Variants in RBM33 observed in about 807,000 individuals in gnomAD.
RBM33 encodes the protein RNA-binding protein 33.
A neutral mutation model predicts 132.6 loss-of-function variants in RBM33; 28 were observed. The ratio of observed to expected loss-of-function variants is 0.21; its 90% CI spans 0.16 to 0.29. The LOEUF (loss-of-function observed/expected upper bound fraction) is 0.29, where lower values mean the gene tolerates loss of function less well. Ranked by LOEUF, RBM33 falls within the 10% of genes least tolerant of loss-of-function variation. RBM33 has a pLI of 1.00. For synonymous variants in RBM33, 634 were observed against 593.0 expected (o/e 1.07, Z -1.01); for missense variants, 1,291 against 1,518.5 (o/e 0.85, Z 2.49).
intron 14 of RBM33, among the ~76,000 whole-genome samples, 166 bp from the exon 15 acceptor site, chr7:155,763,646 G>C (rs575855362): frequency 6.6e-6 from 1 of 152,300 alleles, no homozygotes; most frequent in South Asian, 2.1e-4. Flanking sequence ...TCTCCAATGA[G>C]AAATGTCCTT....
At chr7:155,750,731 GTT>G (rs34083810) in intron 14 of RBM33, among the ~76,000 whole-genome samples, 8 of 141,072 alleles carry the variant, frequency 5.7e-5, no homozygotes, top group Admixed American at 7.1e-5. Flanking sequence ...AAAGAAAATG[GTT>G]TTTTTTTTTT....
intron 4 of RBM33, 104 bp from the exon 5 acceptor site, chr7:155,680,486 T>A: frequency 1.2e-6 from 1 of 841,730 alleles, no homozygotes; most frequent in Non-Finnish European, 1.8e-6. Context: ...AATAACTTTT[T>A]ATCAGTCATG....
Position 155,780,727 on chromosome 7 carries a change from G to C in RBM33, c.*5686G>C, listed in dbSNP as rs916549632. The C allele has an allele frequency of 2.6e-5, 4 of 152,344 alleles. No individual in the cohort carries two copies. The highest frequency in any genetic ancestry group is 9.6e-5 in the African/African-American group (4 of 41,452). 9.4% of individuals were successfully genotyped at this position (152,344 alleles called of 1,614,324 possible). ...CCACTCTGCTCCGCCTCAGCCTTGA[G>C]AACTCCACGTGGGCTGGGTGGGAAG... is the stretch of plus-strand genomic sequence containing the variant. On this transcript the variant is annotated 3_prime_UTR_variant, in exon 18 of 18. Coordinates refer to ENST00000401878, the MANE Select transcript of RBM33 (RefSeq NM_053043.3).
intron 14 of RBM33, among the ~76,000 whole-genome samples, chr7:155,755,609 A>G (rs1465167989): frequency 6.6e-6 from 1 of 152,240 alleles, no homozygotes; most frequent in African/African-American, 2.4e-5. Flanking sequence ...GGTATAATCA[A>G]GAGTTGAGAT....
intron 14 of RBM33, among the ~76,000 whole-genome samples, chr7:155,751,147 T>C (rs915671840): frequency 6.6e-6 from 1 of 152,212 alleles, no homozygotes; most frequent in Admixed American, 6.5e-5. Context: ...AGGGAATGTT[T>C]TAATATAATT....
rs117615810 is a variant in RBM33 at position 155,723,363 on chromosome 7, C to T, written c.1260+4920C>T. On this transcript the variant is annotated intron_variant, in intron 9 of 17. Transcript: ENST00000401878. Reference sequence around the variant, plus strand: ...ATGGAAGGAATGATGGGCATTTTCTCTGATCAGATCTATAAGTAGTAGCAG... The same window carrying T: ...ATGGAAGGAATGATGGGCATTTTCTTTGATCAGATCTATAAGTAGTAGCAG... 4.7e-3 allele frequency among the ~76,000 whole-genome samples: 718 copies of T among 152,330 alleles called. 3 individuals are homozygous for T. The highest frequency in any genetic ancestry group is 7.6e-3 in the Admixed American group (116 of 15,310).
intron 5 of RBM33, among the ~76,000 whole-genome samples, chr7:155,683,029 T>G (rs1799378560): frequency 6.6e-6 from 1 of 152,180 alleles, no homozygotes; most frequent in Admixed American, 6.5e-5. Context: ...ACTTAGAAAT[T>G]CTGGAAGTGT....
In RBM33 at chr7:155,773,568, C is replaced by CAAAAAAAAA. The variant is rs201127157; in HGVS notation, c.3376-972_3376-964dup. On this transcript the variant is annotated intron_variant, in intron 16 of 17. Coordinates refer to ENST00000401878, the MANE Select transcript of RBM33 (RefSeq NM_053043.3). ...AGGCAACAGTGCGAGACTCCATCTCCAAAAAAAAAAAAAAAAAAAAAAAAA... is the reference window on the plus strand; with the variant it reads ...AGGCAACAGTGCGAGACTCCATCTCCAAAAAAAAAAAAAAAAAAAAAAAAAAAAAAAAAA... Among the ~76,000 whole-genome samples, 92 of 50,472 alleles carry CAAAAAAAAA rather than the reference C, an allele frequency of 1.8e-3. 10 individuals are homozygous for CAAAAAAAAA. Among genetic ancestry groups the CAAAAAAAAA allele is most frequent in the African/African-American group, 7.3e-3 (88 of 11,984 alleles). 33.1% of individuals were successfully genotyped at this position (50,472 alleles called of 152,430 possible).
chr7:155,716,949 A>G lies in RBM33; in HGVS notation c.1202-1436A>G, dbSNP rs1255583385. 3.3e-5 allele frequency among the ~76,000 whole-genome samples: 5 copies of G among 152,302 alleles called. No individual in the cohort carries two copies. In the East Asian group the frequency reaches 7.7e-4, roughly 24 times the overall value. On this transcript the variant is annotated intron_variant, in intron 8 of 17. Transcript: ENST00000401878. ...GATCAAGCAGTGACACAGGCCATGT[A>G]TGCTATCACTTGAAATTGAAGTGTG... is the stretch of plus-strand genomic sequence containing the variant.
At chr7:155,685,058 T>G (rs887651645) in intron 5 of RBM33, 3 of 1,548,170 alleles carry the variant, frequency 1.9e-6, no homozygotes, top group Non-Finnish European at 2.6e-6. Context: ...AAGAGGTATT[T>G]GTTCATCTTT....
At chr7:155,752,767 G>A (rs1053062722) in intron 14 of RBM33, among the ~76,000 whole-genome samples, 4 of 152,202 alleles carry the variant, frequency 2.6e-5, no homozygotes, top group African/African-American at 9.7e-5. Flanking sequence ...GAGGTGCCAT[G>A]TTTCATGCCT....
intron 14 of RBM33, among the ~76,000 whole-genome samples, chr7:155,759,607 G>A (rs1002560440): frequency 1.3e-5 from 2 of 151,896 alleles, no homozygotes; most frequent in South Asian, 4.2e-4. Flanking sequence ...TTTTAGTAGA[G>A]ACGGGGTTTC....
At chr7:155,711,505 A>G in intron 8 of RBM33, 50 bp downstream of exon 8, 1 of 1,235,576 alleles carries the variant, frequency 8.1e-7, no homozygotes, top group Non-Finnish European at 1.1e-6. Context: ...CCAGCTTCCA[A>G]TGGTTTGACT....
intron 14 of RBM33, among the ~76,000 whole-genome samples, chr7:155,756,264 C>T (rs907643824): frequency 6.6e-6 from 1 of 152,176 alleles, no homozygotes; most frequent in South Asian, 2.1e-4. Context: ...TTTAGGATCT[C>T]TTTCAATGCT....
intron 5 of RBM33, among the ~76,000 whole-genome samples, chr7:155,686,628 G>A (rs955076963): frequency 2.7e-5 from 4 of 147,844 alleles, no homozygotes; most frequent in Admixed American, 6.8e-5. Flanking sequence ...GTCCCTCCCC[G>A]CTCCCCCCAC....
At chr7:155,761,269 G>C (rs1802028006) in intron 14 of RBM33, among the ~76,000 whole-genome samples, 1 of 152,188 alleles carries the variant, frequency 6.6e-6, no homozygotes, top group South Asian at 2.1e-4. Context: ...TTCTTTTGCA[G>C]TTGTCTTCTC....
At chr7:155,661,148 T>TATATATA in intron 1 of RBM33, among the ~76,000 whole-genome samples, 1 of 41,242 alleles carries the variant, frequency 2.4e-5, no homozygotes, top group African/African-American at 4.6e-5. Flanking sequence ...ATATATATAT[T>TATATATA]TTTTTTTTTT....
At chr7:155,656,734 AAT>A (rs1425936558) in intron 1 of RBM33, among the ~76,000 whole-genome samples, 12 of 152,242 alleles carry the variant, frequency 7.9e-5, no homozygotes, top group Non-Finnish European at 1.6e-4. Flanking sequence ...TTGTCATTAA[AAT>A]ATGTTGCATT....
At chr7:155,698,140 C>T (rs895769605) in intron 5 of RBM33, among the ~76,000 whole-genome samples, 2 of 152,022 alleles carry the variant, frequency 1.3e-5, no homozygotes, top group East Asian at 1.9e-4. Context: ...AGGCCGAGGT[C>T]GGTAGATCAC....
Sources: allele counts gnomAD v4.1 joint callset (sites outside exome capture counted in the v4.1 genomes callset), GRCh38; gene constraint gnomAD v4.1.1; transcripts MANE v1.5; gene names NCBI Gene and HGNC (gene_info 2026-07-23, HGNC 2026-07-21).